SGCG: variants seen among roughly 807,000 people sequenced by gnomAD.
SGCG encodes the protein gamma-sarcoglycan.
SGCG carries 26 observed loss-of-function variants against 29.3 expected under a neutral mutation model. The observed-to-expected ratio is 0.89, with a 90% CI of 0.65 to 1.23. The LOEUF (loss-of-function observed/expected upper bound fraction) is 1.23, where lower values mean the gene tolerates loss of function less well. Ranked by LOEUF, SGCG falls within the 50% of genes most tolerant of loss-of-function variation. The pLI is 0.00. For missense variants in SGCG, 353 were observed against 356.0 expected, an observed-to-expected ratio of 0.99 and a Z score of 0.07; for synonymous variants, 145 against 129.7, an observed-to-expected ratio of 1.12 and a Z score of -0.80.
At chr13:23,213,280 C>T (rs192126966) in intron 2 of SGCG, among the ~76,000 whole-genome samples, 1 of 152,248 alleles carries the variant, frequency 6.6e-6, no homozygotes, top group East Asian at 1.9e-4. Flanking sequence ...CTCAGACCAG[C>T]CTGGCCTACA....
At chr13:23,294,349 C>G (rs1236254085) in intron 5 of SGCG, among the ~76,000 whole-genome samples, 1 of 152,150 alleles carries the variant, frequency 6.6e-6, no homozygotes, top group Non-Finnish European at 1.5e-5. Context: ...GTGAAAGATA[C>G]GTTTGTATTC....
At chr13:23,260,189 A>G (rs929132726) in intron 4 of SGCG, among the ~76,000 whole-genome samples, 1 of 151,868 alleles carries the variant, frequency 6.6e-6, no homozygotes, top group Non-Finnish European at 1.5e-5. Context: ...AAGTCTCTTT[A>G]TGTATCTCTA....
the SGCG span, among the ~76,000 whole-genome samples, chr13:23,167,729 C>A: frequency 6.9e-4 from 94 of 136,076 alleles, 2 homozygotes; most frequent in Admixed American, 6.6e-3. Context: ...CAATCTTTTG[C>A]CCTTTTTTTT....
intron 2 of SGCG, among the ~76,000 whole-genome samples, chr13:23,222,289 A>G (rs541483227): frequency 6.6e-6 from 1 of 152,326 alleles, no homozygotes; most frequent in African/African-American, 2.4e-5. Context: ...TGACAAAGTG[A>G]TGTTCTTAAA....
intron 1 of SGCG, among the ~76,000 whole-genome samples, chr13:23,199,155 G>C (rs899741953): frequency 6.6e-6 from 1 of 152,024 alleles, no homozygotes; most frequent in African/African-American, 2.4e-5. Flanking sequence ...TTGAAGGATG[G>C]TTAGCAGGAG....
chr13:23,191,896 G>C (rs1297458100), intron 1 of SGCG, among the ~76,000 whole-genome samples: 1 of 152,140 alleles, frequency 6.6e-6, no homozygotes, highest in Non-Finnish European at 1.5e-5. Flanking sequence ...TAAAAAGAGG[G>C]AAGTGTCGGC....
upstream of SGCG, among the ~76,000 whole-genome samples, chr13:23,177,735 CTAT>C (rs1876605187): frequency 1.4e-5 from 1 of 71,140 alleles, no homozygotes; most frequent in African/African-American, 5.5e-5. Context: ...CCATGTCCGG[CTAT>C]TTTTTTTTTT....
intron 6 of SGCG, among the ~76,000 whole-genome samples, chr13:23,305,655 G>A (rs1882337080): frequency 6.6e-6 from 1 of 152,204 alleles, no homozygotes; most frequent in East Asian, 1.9e-4. Context: ...TGATGTGAAT[G>A]TGTGTTTTAT....
chr13:23,217,743 A>G (rs7327080), intron 2 of SGCG, among the ~76,000 whole-genome samples: 56,901 of 151,480 alleles, frequency 0.38, 11,213 homozygotes, highest in African/African-American at 0.49. Context: ...GTACACTTCA[A>G]CTGAAATGTC....
At position 23,228,467 on chromosome 13, in the gene SGCG, T is replaced by C. The variant is rs367599643; in HGVS notation, c.196-6144T>C. On this transcript the variant is annotated intron_variant, in intron 2 of 7. Transcript: ENST00000218867. ...TTTTAAAAAATATTTTAACTTTTAT[T>C]TTAGGTTCAGGAATACATGTGTAGG... Among the ~76,000 whole-genome samples the C allele has an allele frequency of 7.2e-5, 11 of 152,318 alleles. No homozygotes were observed. In the South Asian group the frequency reaches 1.0e-3, roughly 14 times the overall value.
At chr13:23,291,156 A>T (rs1881692897) in intron 5 of SGCG, among the ~76,000 whole-genome samples, 1 of 152,248 alleles carries the variant, frequency 6.6e-6, no homozygotes, top group Non-Finnish European at 1.5e-5. Context: ...TTCTAAAAAT[A>T]AAAAAGTTAA....
chr13:23,302,388 C>T (rs1205791001), intron 6 of SGCG, among the ~76,000 whole-genome samples: 2 of 151,988 alleles, frequency 1.3e-5, no homozygotes, highest in African/African-American at 4.8e-5. Flanking sequence ...CCCTACAGTG[C>T]TATAGCACAC....
At chr13:23,161,937 C>A in the SGCG span, among the ~76,000 whole-genome samples, 2 of 152,172 alleles carry the variant, frequency 1.3e-5, no homozygotes, top group Non-Finnish European at 2.9e-5. Context: ...TCACATGTGC[C>A]ACGACTGTAC....
chr13:23,220,909 C>T (rs577997333), intron 2 of SGCG, among the ~76,000 whole-genome samples: 19 of 152,238 alleles, frequency 1.2e-4, no homozygotes, highest in African/African-American at 4.1e-4. Context: ...TTAACCTTCC[C>T]GCTAAATCCT....
At chr13:23,247,954 TAAAA>T (rs200707498) in intron 3 of SGCG, among the ~76,000 whole-genome samples, 3 of 110,666 alleles carry the variant, frequency 2.7e-5, no homozygotes, top group Non-Finnish European at 3.6e-5. Flanking sequence ...TCCCATCTCT[TAAAA>T]AAAAAAAAAA....
At chr13:23,242,551 C>G (rs891052934) in intron 3 of SGCG, among the ~76,000 whole-genome samples, 3 of 152,260 alleles carry the variant, frequency 2.0e-5, no homozygotes, top group South Asian at 2.1e-4. Context: ...GTTGACACAA[C>G]AGCTGTATTC....
chr13:23,274,669 G>T (rs1230804648), intron 4 of SGCG, among the ~76,000 whole-genome samples: 1 of 151,974 alleles, frequency 6.6e-6, no homozygotes, highest in African/African-American at 2.4e-5. Flanking sequence ...TGATCCACCG[G>T]CCTCGGCCTT....
At chr13:23,248,491 G>A (rs1222201229) in intron 3 of SGCG, among the ~76,000 whole-genome samples, 2 of 152,030 alleles carry the variant, frequency 1.3e-5, no homozygotes, top group African/African-American at 2.4e-5. Context: ...ACGAGGTCAG[G>A]AGATGGAGAC....
chr13:23,272,122 A>G (rs1488727535), intron 4 of SGCG, among the ~76,000 whole-genome samples: 2 of 152,220 alleles, frequency 1.3e-5, no homozygotes, highest in Non-Finnish European at 1.5e-5. Context: ...ACTTTACTCA[A>G]TCACACACCT....
Sources: gnomAD v4.1 joint callset for allele counts (sites outside exome capture counted in the v4.1 genomes callset) on GRCh38, gnomAD v4.1.1 for gene constraint, MANE v1.5 for transcripts, NCBI Gene and HGNC (gene_info 2026-07-23, HGNC 2026-07-21) for gene names.